Variants in NRXN3 observed in about 807,000 individuals in gnomAD.
The protein encoded by NRXN3 is neurexin 3, also known as neurexin III.
NRXN3 carries 32 observed loss-of-function variants against 137.6 expected under a neutral mutation model. The ratio of observed to expected loss-of-function variants is 0.23; its 90% CI spans 0.18 to 0.31. NRXN3 has a LOEUF of 0.31. Ranked by LOEUF, NRXN3 falls within the 10% of genes least tolerant of loss-of-function variation. NRXN3 has a pLI of 1.00. For missense variants in NRXN3, 1,574 were observed against 2,062.5 expected (o/e 0.76, Z 4.59); for synonymous variants, 798 against 784.5 (o/e 1.02, Z -0.29).
At chr14:79,512,670 G>A (rs1201476023) in intron 16 of NRXN3, among the ~76,000 whole-genome samples, 2 of 152,140 alleles carry the variant, frequency 1.3e-5, no homozygotes, top group African/African-American at 4.8e-5. Context: ...GTCCACAATA[G>A]TGGGATTGCA....
chr14:78,524,026 A>G (rs902439857), intron 4 of NRXN3, among the ~76,000 whole-genome samples: 6 of 152,138 alleles, frequency 3.9e-5, no homozygotes, highest in Admixed American at 3.9e-4. Context: ...CAGACTGAGA[A>G]AAAGAAGTAA....
At chr14:79,340,076 T>C (rs1345951053) in intron 15 of NRXN3, among the ~76,000 whole-genome samples, 1 of 152,072 alleles carries the variant, frequency 6.6e-6, no homozygotes, top group Non-Finnish European at 1.5e-5. Context: ...CTATATTATT[T>C]TGTGTATGAG....
intron 16 of NRXN3, among the ~76,000 whole-genome samples, chr14:79,620,347 G>A (rs774770342): frequency 3.3e-5 from 5 of 152,150 alleles, no homozygotes; most frequent in Non-Finnish European, 7.4e-5. Context: ...TCAAGTACTT[G>A]TCTTCCTGGT....
chr14:78,392,902 A>G (rs2090963890), intron 4 of NRXN3, among the ~76,000 whole-genome samples: 2 of 152,172 alleles, frequency 1.3e-5, no homozygotes, highest in Non-Finnish European at 2.9e-5. Context: ...AGTACTCATC[A>G]CATAGGATAA....
At chr14:79,421,370 T>C (rs2095573427) in intron 15 of NRXN3, among the ~76,000 whole-genome samples, 1 of 152,204 alleles carries the variant, frequency 6.6e-6, no homozygotes, top group African/African-American at 2.4e-5. Flanking sequence ...ATCTATTAAA[T>C]GTGCTGATTT....
intron 15 of NRXN3, among the ~76,000 whole-genome samples, chr14:79,379,748 T>A (rs1052801917): frequency 2.6e-5 from 4 of 152,188 alleles, no homozygotes; most frequent in African/African-American, 9.6e-5. Flanking sequence ...AGGGGGCAGT[T>A]TAACTGGCTG....
chr14:78,575,611 A>G (rs188595614), intron 4 of NRXN3, among the ~76,000 whole-genome samples: 1 of 152,348 alleles, frequency 6.6e-6, no homozygotes, highest in East Asian at 1.9e-4. Context: ...GCAGTGGATA[A>G]AACAAAAATT....
intron 16 of NRXN3, among the ~76,000 whole-genome samples, chr14:79,517,562 T>C (rs9671249): frequency 0.18 from 27,275 of 152,060 alleles, 2,660 homozygotes; most frequent in Middle Eastern, 0.29. Context: ...AAGTAATTCT[T>C]CATGGTTTTC....
At chr14:79,738,863 G>A (rs1307641465) in intron 19 of NRXN3, among the ~76,000 whole-genome samples, 1 of 152,010 alleles carries the variant, frequency 6.6e-6, no homozygotes, top group Non-Finnish European at 1.5e-5. Context: ...CCAGCCAAAT[G>A]TGTTCATTTT....
At chr14:78,193,495 C>A (rs2060933244) in intron 1 of NRXN3, among the ~76,000 whole-genome samples, 2 of 152,058 alleles carry the variant, frequency 1.3e-5, no homozygotes, top group African/African-American at 4.8e-5. Context: ...GAATTGGCTC[C>A]TTTTACTAAG....
At chr14:78,778,768 CTTTCTT>C (rs760617725) in intron 8 of NRXN3, among the ~76,000 whole-genome samples, 5 of 57,428 alleles carry the variant, frequency 8.7e-5, no homozygotes, top group African/African-American at 1.8e-4. Context: ...CTCTTTCTTT[CTTTCTT>C]TCTTTCTTTC....
chr14:78,282,181 A>T (rs1396455911), intron 3 of NRXN3: 1 of 492,726 alleles, frequency 2.0e-6, no homozygotes, highest in East Asian at 5.8e-5. Flanking sequence ...GTACATTGGG[A>T]TTTGTCACTG....
At chr14:78,711,498 A>G (rs1291810924) in intron 7 of NRXN3, among the ~76,000 whole-genome samples, 1 of 138,060 alleles carries the variant, frequency 7.2e-6, no homozygotes, top group Non-Finnish European at 1.5e-5. Context: ...CTGGAGTGCA[A>G]TGGCGCAGTC....
intron 6 of NRXN3, among the ~76,000 whole-genome samples, chr14:78,659,374 A>G (rs2097814866): frequency 6.6e-6 from 1 of 152,156 alleles, no homozygotes; most frequent in South Asian, 2.1e-4. Context: ...TGGGTTGACC[A>G]TAAAAAAAAG....
chr14:79,230,641 G>A (rs2072001573), intron 15 of NRXN3, among the ~76,000 whole-genome samples: 1 of 152,156 alleles, frequency 6.6e-6, no homozygotes, highest in Admixed American at 6.5e-5. Flanking sequence ...TCACAAAGGA[G>A]CATTTCTTAT....
At chr14:78,568,248 G>A (rs1301536326) in intron 4 of NRXN3, among the ~76,000 whole-genome samples, 1 of 152,172 alleles carries the variant, frequency 6.6e-6, no homozygotes, top group Non-Finnish European at 1.5e-5. Flanking sequence ...TAAGTCATGA[G>A]TGCTTTGGGA....
At chr14:78,490,552 G>A (rs915615937) in intron 4 of NRXN3, among the ~76,000 whole-genome samples, 2 of 152,138 alleles carry the variant, frequency 1.3e-5, no homozygotes, top group Non-Finnish European at 2.9e-5. Context: ...AATGCATCTG[G>A]TGGTGGGGAG....
At chr14:79,215,876 A>G (rs933388368) in intron 15 of NRXN3, among the ~76,000 whole-genome samples, 1 of 152,128 alleles carries the variant, frequency 6.6e-6, no homozygotes, top group African/African-American at 2.4e-5. Flanking sequence ...AGAGATAAGC[A>G]TTTTCACTGG....
intron 15 of NRXN3, among the ~76,000 whole-genome samples, chr14:79,030,805 T>G (rs2099607192): frequency 6.6e-6 from 1 of 152,030 alleles, no homozygotes; most frequent in South Asian, 2.1e-4. Flanking sequence ...TCAATTTCAT[T>G]TTATGGTTTA....
Sources: gnomAD v4.1 joint callset for allele counts (sites outside exome capture counted in the v4.1 genomes callset) on GRCh38, gnomAD v4.1.1 for gene constraint, MANE v1.5 for transcripts, NCBI Gene and HGNC (gene_info 2026-07-23, HGNC 2026-07-21) for gene names.